The following SMARCAD1 variants were observed in gnomAD, a reference collection of about 807,000 sequenced individuals.
SMARCAD1 encodes the protein SNF2 related chromatin remodeling ATPase with DExD box 1.
Under a neutral mutation model 127.1 loss-of-function variants are expected in SMARCAD1, and 25 were observed. The ratio of observed to expected loss-of-function variants is 0.20; its 90% CI spans 0.14 to 0.27. The LOEUF (loss-of-function observed/expected upper bound fraction) is 0.27, where lower values mean the gene tolerates loss of function less well. SMARCAD1 is among the 10% of genes least tolerant of loss of function. The pLI, the probability that SMARCAD1 is intolerant of heterozygous loss-of-function variation, is 1.00. For synonymous variants in SMARCAD1, 400 were observed against 396.9 expected, an observed-to-expected ratio of 1.01 and a Z score of -0.09; for missense variants, 807 against 1,206.0, an observed-to-expected ratio of 0.67 and a Z score of 4.90.
At chr4:94,208,690 T>C in intron 2 of SMARCAD1, 106 bp downstream of exon 2, 1 of 1,107,702 alleles carries the variant, frequency 9.0e-7, no homozygotes, top group Non-Finnish European at 1.3e-6. Flanking sequence ...TATTGATGCA[T>C]TGTCCTGCGG....
chr4:94,284,941 AT>A lies in SMARCAD1; in HGVS notation c.2910-15del. On this transcript the variant is annotated intron_variant, in intron 22 of 23. Transcript: ENST00000354268. Reference sequence around the variant, plus strand: ...ACTATATTTAGTAACCAATGGACATATTTTGTATTTTTTTTTAGAGAAGTAC... The same window carrying A: ...ACTATATTTAGTAACCAATGGACATATTTGTATTTTTTTTTAGAGAAGTAC... 5 of 1,409,262 alleles carry A rather than the reference AT, an allele frequency of 3.5e-6. No homozygotes were observed. The highest frequency in any genetic ancestry group is 4.0e-6 in the Non-Finnish European group (4 of 993,904). 87.3% of individuals were successfully genotyped at this position (1,409,262 alleles called of 1,614,324 possible). A position where few individuals can be genotyped will look rare whatever the true frequency, so the allele number is the denominator to read the frequency against.
intron 22 of SMARCAD1, among the ~76,000 whole-genome samples, chr4:94,284,391 TTGTAA>T (rs1478715649): frequency 6.7e-6 from 1 of 148,838 alleles, no homozygotes; most frequent in Non-Finnish European, 1.5e-5. Context: ...GAACTGTTTG[TTGTAA>T]TGTAGTTGTA....
chr4:94,223,904 AG>A (rs1360467725), intron 2 of SMARCAD1, among the ~76,000 whole-genome samples: 1 of 152,014 alleles, frequency 6.6e-6, no homozygotes, highest in Non-Finnish European at 1.5e-5. Context: ...CTGAAGTGTC[AG>A]AAAGTAGGAC....
chr4:94,272,210 G>T (rs1478453408), intron 11 of SMARCAD1, among the ~76,000 whole-genome samples: 2 of 152,130 alleles, frequency 1.3e-5, no homozygotes, highest in African/African-American at 4.8e-5. Flanking sequence ...AACTCATTTA[G>T]CCTTAATTTC....
intron 19 of SMARCAD1, 133 bp downstream of exon 19, chr4:94,279,183 A>G (rs1753681407): frequency 2.6e-6 from 3 of 1,173,338 alleles, no homozygotes; most frequent in Non-Finnish European, 3.6e-6. Context: ...TTTTCAGACC[A>G]GGTCTGGTTC....
Position 94,208,453 on chromosome 4 carries a change from C to T in SMARCAD1, c.59C>T (p.Ala20Val), listed in dbSNP as rs749813218. Residue 20 changes from alanine to valine, a missense_variant, in exon 2 of 24, where the codon GCG becomes GTG. Around this residue, in one of 8 missense-constraint regions of SMARCAD1, gnomAD observed 175 missense variants for 169.5 expected, o/e 1.03. Coordinates refer to ENST00000354268, the MANE Select transcript of SMARCAD1 (RefSeq NM_020159.5). ...GAGAAAAGGAATAAGATTGAGGAAGCGCCCGAAGCAACCCCTCAACCTTCC... is the reference window on the plus strand; with the variant it reads ...GAGAAAAGGAATAAGATTGAGGAAGTGCCCGAAGCAACCCCTCAACCTTCC... ...RFEKRNKIEE[A>V]PEATPQPSQP... is the part of the protein sequence containing the mutation. 4 of 1,614,072 alleles carry T rather than the reference C, an allele frequency of 2.5e-6. No homozygotes were observed. Among genetic ancestry groups the T allele is most frequent in the East Asian group, 2.2e-5 (1 of 44,868 alleles).
chr4:94,249,547 C>T (rs1024685133), intron 6 of SMARCAD1, 107 bp from the exon 7 acceptor site: 21 of 712,788 alleles, frequency 2.9e-5, no homozygotes, highest in Non-Finnish European at 5.4e-5. Flanking sequence ...ATTCTTCTGA[C>T]TGATGATGAT....
At chr4:94,226,858 C>T (rs1019481525) in intron 3 of SMARCAD1, among the ~76,000 whole-genome samples, 2 of 150,856 alleles carry the variant, frequency 1.3e-5, no homozygotes, top group Non-Finnish European at 2.9e-5. Flanking sequence ...GTCAGGGAAT[C>T]GTTTCTTTTT....
chr4:94,207,845 C>T (rs1048305237), upstream of SMARCAD1: 2 of 331,686 alleles, frequency 6.0e-6, no homozygotes, highest in African/African-American at 2.2e-5. Flanking sequence ...TATCAGCTTC[C>T]TCTCAGCTGG....
rs562315599 is a variant in SMARCAD1, at chr4:94,253,628, A to G, written c.1281+621A>G. On this transcript the variant is annotated intron_variant, in intron 9 of 23. Transcript: ENST00000354268. ...TTGGAAAGATAGAAAAATTTCTGGA[A>G]GCCTATAATTCAAGCGTTAGGTGAA... 3.2e-4 allele frequency: 327 copies of G among 1,035,946 alleles called. 1 individual carries two copies. The highest frequency in any genetic ancestry group is 1.3e-3 in the Admixed American group (25 of 19,900). 64.2% of individuals were successfully genotyped at this position (1,035,946 alleles called of 1,614,324 possible). A position where few individuals can be genotyped will look rare whatever the true frequency, so the allele number is the denominator to read the frequency against.
chr4:94,255,349 T>C lies in SMARCAD1; in HGVS notation c.1281+2342T>C, dbSNP rs142173170. The stretch of plus-strand genomic sequence containing the variant: ...CTTGAGCCCGTGAATAAAGTACATA[T>C]ATACAATAGTAATTTTTGTTAAAAG... On this transcript the variant is annotated intron_variant, in intron 9 of 23. Coordinates refer to ENST00000354268, the MANE Select transcript of SMARCAD1 (RefSeq NM_020159.5). Among the ~76,000 whole-genome samples the C allele has an allele frequency of 4.0e-4, 60 of 151,890 alleles. No homozygotes were observed. The East Asian group carries it at 9.8e-3, about 25-fold the overall frequency.
In SMARCAD1 at chr4:94,270,719, C is replaced by G. The variant is rs2125976565; in HGVS notation, c.1482-9C>G. On this transcript the variant is annotated splice_polypyrimidine_tract_variant and intron_variant, in intron 10 of 23. Transcript: ENST00000354268. ...GATGTGTAATATTTGGTAACTCTCTCTTTACCAGTTTGTCACTCAAGCCCT... is the reference window on the plus strand; with the variant it reads ...GATGTGTAATATTTGGTAACTCTCTGTTTACCAGTTTGTCACTCAAGCCCT... The G allele has an allele frequency of 6.2e-7, 1 of 1,608,392 alleles. No individual in the cohort carries two copies. Among genetic ancestry groups the G allele is most frequent in the East Asian group, 2.2e-5 (1 of 44,724 alleles).
chr4:94,276,815 A>G (rs548935122), intron 15 of SMARCAD1, among the ~76,000 whole-genome samples: 1 of 152,212 alleles, frequency 6.6e-6, no homozygotes, highest in South Asian at 2.1e-4. Context: ...CTACTTATAA[A>G]AGAAGACCAA....
At chr4:94,263,733 A>G (rs937776354) in intron 9 of SMARCAD1, among the ~76,000 whole-genome samples, 6 of 152,008 alleles carry the variant, frequency 3.9e-5, no homozygotes, top group African/African-American at 1.4e-4. Flanking sequence ...TATGCTAAAT[A>G]GGATGACATG....
At chr4:94,277,257 G>A in intron 16 of SMARCAD1, 98 bp downstream of exon 16, 9 of 1,362,696 alleles carry the variant, frequency 6.6e-6, no homozygotes, top group Non-Finnish European at 9.4e-6. Context: ...TAGTGCATAT[G>A]CTCTATGAAG....
intron 6 of SMARCAD1, chr4:94,248,499 G>A (rs1288852534): frequency 2.2e-6 from 1 of 456,076 alleles, no homozygotes; most frequent in Non-Finnish European, 4.4e-6. Flanking sequence ...GGCTGTAAAG[G>A]TGGCAGTATG....
intron 4 of SMARCAD1, among the ~76,000 whole-genome samples, chr4:94,236,089 A>G (rs4693376): frequency 0.69 from 104,300 of 151,976 alleles, 37,057 homozygotes; most frequent in African/African-American, 0.89. Context: ...AATAGTTCTA[A>G]GCTTGCTAAG....
intron 9 of SMARCAD1, among the ~76,000 whole-genome samples, chr4:94,256,115 A>C (rs1295009687): frequency 6.6e-6 from 1 of 152,176 alleles, no homozygotes; most frequent in Non-Finnish European, 1.5e-5. Context: ...TCTGTGAAAA[A>C]TACTACTCTG....
chr4:94,225,198 G>A (rs1341256507), intron 2 of SMARCAD1, among the ~76,000 whole-genome samples: 4 of 152,138 alleles, frequency 2.6e-5, no homozygotes, highest in Non-Finnish European at 5.9e-5. Context: ...AAATGCTACA[G>A]GTTCGGTGAC....
Sources: gnomAD v4.1 joint callset for allele counts (sites outside exome capture counted in the v4.1 genomes callset) on GRCh38, gnomAD v4.1.1 for gene constraint, gnomAD v4.1.1 regional missense constraint, MANE v1.5 for transcripts, NCBI Gene and HGNC (gene_info 2026-07-23, HGNC 2026-07-21) for gene names.